FANCI: variants seen among roughly 807,000 people sequenced by gnomAD.
FANCI encodes Fanconi anemia group I protein.
Under a neutral mutation model 176.1 loss-of-function variants are expected in FANCI, and 156 were observed. The ratio of observed to expected loss-of-function variants is 0.89; its 90% CI spans 0.78 to 1.01. FANCI has a LOEUF of 1.01. Among genes scored for constraint, FANCI ranks in the 50% least tolerant of loss-of-function variants. The probability of loss-of-function intolerance (pLI) is 0.00; values close to 1 mark genes in which losing one functional copy is unlikely to be tolerated. For synonymous variants in FANCI, 613 were observed against 541.7 expected (o/e 1.13, Z -1.83); for missense variants, 1,678 against 1,534.1 (o/e 1.09, Z -1.57).
intron 34 of FANCI, among the ~76,000 whole-genome samples, chr15:89,308,399 A>G (rs2054811337): frequency 1.3e-5 from 2 of 152,210 alleles, no homozygotes; most frequent in African/African-American, 4.8e-5. Context: ...ACTGTCTCCT[A>G]AGGCCACTTA....
At chr15:89,305,944 C>G (rs1017047691) in intron 31 of FANCI, 63 bp from the exon 32 acceptor site, 2 of 1,533,858 alleles carry the variant, frequency 1.3e-6, no homozygotes, top group Non-Finnish European at 1.8e-6. Flanking sequence ...ATTTCTAAAT[C>G]TCCTTTACTC....
chr15:89,254,069 G>A (rs1158940492), intron 2 of FANCI, among the ~76,000 whole-genome samples: 1 of 152,086 alleles, frequency 6.6e-6, no homozygotes, highest in South Asian at 2.1e-4. Flanking sequence ...AAGCAAAGAT[G>A]CCATAGTTGC....
intron 11 of FANCI, 127 bp from the exon 12 acceptor site, chr15:89,274,041 T>A (rs1596270347): frequency 1.4e-6 from 1 of 725,178 alleles, no homozygotes. Flanking sequence ...TAGGAACAGT[T>A]ATAAGGTTAA....
At chr15:89,286,187 T>G (rs762839963) in intron 18 of FANCI, among the ~76,000 whole-genome samples, 1 of 152,126 alleles carries the variant, frequency 6.6e-6, no homozygotes, top group African/African-American at 2.4e-5. Flanking sequence ...GAGATGGGAT[T>G]TCACCATGTT....
chr15:89,272,426 T>G (rs1423746315), intron 10 of FANCI, among the ~76,000 whole-genome samples: 1 of 152,170 alleles, frequency 6.6e-6, no homozygotes, highest in Non-Finnish European at 1.5e-5. Flanking sequence ...TTTCTCAGTC[T>G]GTGACTTGTC....
At chr15:89,264,887 A>G (rs1332799457) in intron 9 of FANCI, among the ~76,000 whole-genome samples, 1 of 152,230 alleles carries the variant, frequency 6.6e-6, no homozygotes, top group Non-Finnish European at 1.5e-5. Flanking sequence ...CCTTGGGGCT[A>G]CCGTGCTGAA....
intron 14 of FANCI, among the ~76,000 whole-genome samples, chr15:89,279,141 T>G (rs1205538522): frequency 1.3e-5 from 2 of 150,896 alleles, no homozygotes; most frequent in Non-Finnish European, 3.0e-5. Context: ...AATTTGCTGT[T>G]TTGTTGTTGT....
rs114229964 is a variant in FANCI at position 89,262,559 on chromosome 15, G to A, written c.503+681G>A. Among the ~76,000 whole-genome samples, 328 of 152,230 alleles carry A rather than the reference G, an allele frequency of 2.2e-3. 2 individuals carry two copies. Among genetic ancestry groups the A allele is most frequent in the Middle Eastern group, 0.01 (3 of 294 alleles). On this transcript the variant is annotated intron_variant, in intron 6 of 37. Coordinates refer to ENST00000310775, the MANE Select transcript of FANCI (RefSeq NM_001113378.2). Reference sequence around the variant, plus strand: ...CTATGTTATATAATACTGTGATTGCGTGTAGGTTTGTTAAAAAGAACAAGA... The same window carrying A: ...CTATGTTATATAATACTGTGATTGCATGTAGGTTTGTTAAAAAGAACAAGA...
chr15:89,248,296 C>T (rs1279927165), intron 2 of FANCI, among the ~76,000 whole-genome samples: 4 of 152,204 alleles, frequency 2.6e-5, no homozygotes, highest in Admixed American at 2.0e-4. Flanking sequence ...TAAGTGATCT[C>T]ATCCTATCCA....
intron 17 of FANCI, among the ~76,000 whole-genome samples, chr15:89,284,189 C>G (rs2053730624): frequency 6.6e-6 from 1 of 152,154 alleles, no homozygotes; most frequent in Non-Finnish European, 1.5e-5. Flanking sequence ...TTTCTTACGT[C>G]ATTGTATTTA....
At chr15:89,295,153 A>G in intron 24 of FANCI, 59 bp downstream of exon 24, 1 of 1,505,246 alleles carries the variant, frequency 6.6e-7, no homozygotes. Flanking sequence ...CTCCAAGAGA[A>G]CAAACTGGGA....
intron 2 of FANCI, among the ~76,000 whole-genome samples, chr15:89,256,915 G>A (rs1257213998): frequency 1.3e-5 from 2 of 150,964 alleles, no homozygotes; most frequent in Non-Finnish European, 3.0e-5. Flanking sequence ...CTTTTTTGTT[G>A]TTTTTTTTTG....
At chr15:89,281,984 C>T (rs2053631549) in intron 16 of FANCI, 149 bp downstream of exon 16, 4 of 734,768 alleles carry the variant, frequency 5.4e-6, no homozygotes, top group Non-Finnish European at 9.5e-6. Flanking sequence ...AGGCATTTTG[C>T]TAAGTGCTTT....
intron 10 of FANCI, among the ~76,000 whole-genome samples, chr15:89,270,220 T>C (rs1011465419): frequency 1.3e-5 from 2 of 152,230 alleles, no homozygotes; most frequent in African/African-American, 4.8e-5. Context: ...AGGCTGTATG[T>C]AGTTTGCCAA....
chr15:89,293,380 G>T (rs1362595795), intron 22 of FANCI, among the ~76,000 whole-genome samples: 2 of 152,138 alleles, frequency 1.3e-5, no homozygotes, highest in Non-Finnish European at 2.9e-5. Flanking sequence ...TACTCTGCAG[G>T]GACTGGTATA....
chr15:89,297,409 C>G (rs1596312658), intron 24 of FANCI, among the ~76,000 whole-genome samples: 1 of 152,044 alleles, frequency 6.6e-6, no homozygotes, highest in East Asian at 2.0e-4. Flanking sequence ...CCAAGGCAGG[C>G]GGCTGGGAGG....
In FANCI at chr15:89,261,597, C is replaced by A; in HGVS notation, c.301C>A (p.Pro101Thr). 6.2e-7 allele frequency: 1 copy of A among 1,614,132 alleles called. No homozygotes were observed. Among genetic ancestry groups the A allele is most frequent in the Non-Finnish European group, 8.5e-7 (1 of 1,180,012 alleles). ...GLLMLEAHHFPGPLLVELANE... is the reference protein window; with the variant it reads ...GLLMLEAHHFTGPLLVELANE... The stretch of plus-strand genomic sequence containing the variant: ...TGTGAACTTTTAGGCTCACCATTTT[C>A]CAGGACCATTATTGGTTGAATTAGC... Residue 101 changes from proline (P) to threonine (T), a missense_variant, in exon 5 of 38, where the codon CCA becomes ACA. Pro to Thr is a conservative substitution (Grantham distance 38). This residue lies in a region of FANCI where 469 missense variants were observed against 436.9 expected (regional missense o/e 1.07). Coordinates refer to ENST00000310775, the MANE Select transcript of FANCI (RefSeq NM_001113378.2).
At chr15:89,246,663 G>T (rs910557982) in intron 1 of FANCI, among the ~76,000 whole-genome samples, 1 of 151,498 alleles carries the variant, frequency 6.6e-6, no homozygotes, top group Non-Finnish European at 1.5e-5. Flanking sequence ...CTAAGTTCCA[G>T]TTCAAGCTTT....
chr15:89,263,798 A>G (rs2052821491), intron 7 of FANCI, 105 bp from the exon 8 acceptor site: 2 of 1,348,754 alleles, frequency 1.5e-6, no homozygotes, highest in East Asian at 2.4e-5. Flanking sequence ...TTCATTTCTT[A>G]AAATATGTTT....
Sources: gnomAD v4.1 joint callset for allele counts (sites outside exome capture counted in the v4.1 genomes callset) on GRCh38, gnomAD v4.1.1 for gene constraint, gnomAD v4.1.1 regional missense constraint, MANE v1.5 for transcripts, NCBI Gene and HGNC (gene_info 2026-07-23, HGNC 2026-07-21) for gene names.